POU2F1: variants seen among roughly 807,000 people sequenced by gnomAD.
POU2F1 encodes the protein POU class 2 homeobox 1.
A neutral mutation model predicts 84.9 loss-of-function variants in POU2F1; 16 were observed. The observed-to-expected ratio is 0.19, with a 90% CI of 0.13 to 0.29. POU2F1 has a LOEUF of 0.29. Among genes scored for constraint, POU2F1 ranks in the 10% least tolerant of loss-of-function variants. POU2F1 has a pLI of 1.00. For missense variants in POU2F1, 738 were observed against 942.6 expected, an observed-to-expected ratio of 0.78 and a Z score of 2.84; for synonymous variants, 368 against 368.3, an observed-to-expected ratio of 1.00 and a Z score of 0.01.
rs1430497372 is a variant in POU2F1 at position 167,421,560 on chromosome 1, T to A, written c.*5750T>A. On this transcript the variant is annotated 3_prime_UTR_variant, in exon 16 of 16. Transcript: ENST00000367866. ...TTAAGTAGTTCCTTGTTTTGGCCCT[T>A]CTACTCTTGGCCTTAGCTAAAAGCA... The A allele has an allele frequency of 1.3e-5, 2 of 152,226 alleles. No homozygotes were observed. Among genetic ancestry groups the A allele is most frequent in the African/African-American group, 4.8e-5 (2 of 41,462 alleles). 9.4% of individuals were successfully genotyped at this position (152,226 alleles called of 1,614,324 possible). A position where few individuals can be genotyped will look rare whatever the true frequency, so the allele number is the denominator to read the frequency against.
intron 2 of POU2F1, among the ~76,000 whole-genome samples, chr1:167,340,595 C>T (rs1307564701): frequency 6.6e-6 from 1 of 151,760 alleles, no homozygotes; most frequent in Non-Finnish European, 1.5e-5. Context: ...CCACGCCCAG[C>T]TAATTTTTGT....
chr1:167,413,996 A>C (rs1650142914), intron 15 of POU2F1, among the ~76,000 whole-genome samples: 1 of 152,112 alleles, frequency 6.6e-6, no homozygotes, highest in Admixed American at 6.5e-5. Flanking sequence ...CTAAAAAAAA[A>C]AAAAAAAAAT....
At chr1:167,237,758 A>G (rs1407928571) in intron 1 of POU2F1, among the ~76,000 whole-genome samples, 22 of 15,760 alleles carry the variant, frequency 1.4e-3, no homozygotes, top group South Asian at 4.3e-3. Context: ...ATATATATAT[A>G]TATATATATA....
At chr1:167,346,201 T>C (rs1003770320) in intron 2 of POU2F1, among the ~76,000 whole-genome samples, 1 of 151,952 alleles carries the variant, frequency 6.6e-6, no homozygotes, top group African/African-American at 2.4e-5. Flanking sequence ...ATAATGTTAA[T>C]GAAAACCTGT....
At chr1:167,413,162 AGTGTGTGTGT>A (rs59744507) in intron 15 of POU2F1, 48 bp downstream of exon 15, 74 of 1,031,100 alleles carry the variant, frequency 7.2e-5, no homozygotes, top group Middle Eastern at 6.9e-4. Flanking sequence ...CGTGTGTGTG[AGTGTGTGTGT>A]GTGTGTGTGT....
chr1:167,397,725 T>G (rs982186443), intron 10 of POU2F1, among the ~76,000 whole-genome samples: 2 of 152,140 alleles, frequency 1.3e-5, no homozygotes, highest in Admixed American at 6.5e-5. Flanking sequence ...TTTGTATTTT[T>G]GGTAGAGATG....
chr1:167,313,288 A>G (rs1395298575), intron 1 of POU2F1, among the ~76,000 whole-genome samples: 1 of 152,258 alleles, frequency 6.6e-6, no homozygotes, highest in Non-Finnish European at 1.5e-5. Context: ...AATTTCTATC[A>G]AAATTCTCAC....
At chr1:167,291,479 T>C (rs949797939) in intron 1 of POU2F1, among the ~76,000 whole-genome samples, 3 of 152,204 alleles carry the variant, frequency 2.0e-5, no homozygotes, top group Admixed American at 6.5e-5. Flanking sequence ...ATTGTTCCAC[T>C]TTTATTTTCT....
intron 1 of POU2F1, among the ~76,000 whole-genome samples, chr1:167,281,577 A>C (rs1653141680): frequency 6.6e-6 from 1 of 152,230 alleles, no homozygotes; most frequent in African/African-American, 2.4e-5. Context: ...GTACAGAAAC[A>C]GCTGGATTGG....
chr1:167,221,901 C>A (rs1438892069), intron 1 of POU2F1, among the ~76,000 whole-genome samples: 1 of 151,798 alleles, frequency 6.6e-6, no homozygotes, highest in African/African-American at 2.4e-5. Flanking sequence ...GCGGCCCGCG[C>A]GCCCCCGGCC....
At chr1:167,249,650 A>G (rs898387049) in intron 1 of POU2F1, among the ~76,000 whole-genome samples, 6 of 152,196 alleles carry the variant, frequency 3.9e-5, no homozygotes, top group Admixed American at 1.3e-4. Context: ...GAAGAGCAGG[A>G]GGTCAGGTGA....
intron 1 of POU2F1, among the ~76,000 whole-genome samples, chr1:167,323,137 G>T (rs1363333248): frequency 1.3e-5 from 2 of 152,138 alleles, no homozygotes; most frequent in East Asian, 1.9e-4. Flanking sequence ...AATACTTGTG[G>T]AATCCATTAA....
chr1:167,223,145 C>CA (rs1239408274), intron 1 of POU2F1, among the ~76,000 whole-genome samples: 1 of 151,542 alleles, frequency 6.6e-6, no homozygotes, highest in Admixed American at 6.6e-5. Context: ...CTACTGAAAA[C>CA]AAAAAAATGG....
At chr1:167,275,098 C>T (rs866342332) in intron 1 of POU2F1, among the ~76,000 whole-genome samples, 6 of 147,698 alleles carry the variant, frequency 4.1e-5, no homozygotes, top group South Asian at 2.1e-4. Context: ...TCACAGCTCA[C>T]GGCACCTTTG....
chr1:167,347,958 T>C (rs1404568428), intron 2 of POU2F1, among the ~76,000 whole-genome samples: 1 of 152,230 alleles, frequency 6.6e-6, no homozygotes. Flanking sequence ...TTGGGTTGTT[T>C]CCACTCTCTT....
At chr1:167,229,504 A>G (rs901072277) in intron 1 of POU2F1, among the ~76,000 whole-genome samples, 11 of 152,214 alleles carry the variant, frequency 7.2e-5, no homozygotes, top group Admixed American at 2.6e-4. Context: ...TGGACTGAGT[A>G]TTGAATCTGA....
At chr1:167,414,368 G>T (rs892546348) in intron 15 of POU2F1, 27 of 985,228 alleles carry the variant, frequency 2.7e-5, no homozygotes, top group Non-Finnish European at 3.3e-5. Context: ...ACTAAGTTTG[G>T]AATCTCAGAA....
At chr1:167,415,023 C>T (rs1441895953) in intron 15 of POU2F1, among the ~76,000 whole-genome samples, 2 of 152,162 alleles carry the variant, frequency 1.3e-5, no homozygotes, top group African/African-American at 2.4e-5. Context: ...AATCTAATGC[C>T]GCCACTGATC....
chr1:167,252,148 C>T (rs971655996), intron 1 of POU2F1, among the ~76,000 whole-genome samples: 1 of 152,102 alleles, frequency 6.6e-6, no homozygotes, highest in Admixed American at 6.5e-5. Flanking sequence ...AGGTGTGAGC[C>T]ACCGCTGCAA....
Sources: allele counts gnomAD v4.1 joint callset (sites outside exome capture counted in the v4.1 genomes callset), GRCh38; gene constraint gnomAD v4.1.1; transcripts MANE v1.5; gene names NCBI Gene and HGNC (gene_info 2026-07-23, HGNC 2026-07-21).